The following SYT1 variants were observed in gnomAD, a reference collection of about 807,000 sequenced individuals.
SYT1 encodes the protein synaptotagmin-1.
Under a neutral mutation model 44.8 loss-of-function variants are expected in SYT1, and 8 were observed. That is an observed-to-expected ratio of 0.18 (90% confidence interval 0.10 to 0.32). The LOEUF is 0.32. Ranked by LOEUF, SYT1 falls within the 10% of genes least tolerant of loss-of-function variation. SYT1 has a pLI of 1.00. For missense variants in SYT1, 286 were observed against 509.3 expected (o/e 0.56, Z 4.22); for synonymous variants, 154 against 188.8 (o/e 0.82, Z 1.51).
At chr12:79,060,485 C>G (rs1210434321) in intron 3 of SYT1, among the ~76,000 whole-genome samples, 2 of 152,038 alleles carry the variant, frequency 1.3e-5, no homozygotes, top group Admixed American at 6.6e-5. Context: ...CCCATTCCCC[C>G]TCCCTGCAGC....
intron 3 of SYT1, among the ~76,000 whole-genome samples, chr12:79,093,628 A>G (rs1268428007): frequency 2.6e-5 from 4 of 151,618 alleles, no homozygotes; most frequent in Admixed American, 2.0e-4. Flanking sequence ...CACTCTCTTT[A>G]CCCAACTCTC....
chr12:79,446,758 AC>A (rs980633997), intron 10 of SYT1, among the ~76,000 whole-genome samples: 20 of 152,286 alleles, frequency 1.3e-4, no homozygotes, highest in African/African-American at 4.3e-4. Flanking sequence ...ACTAGCCTGA[AC>A]CAGCGGGCCC....
At chr12:79,122,513 C>CAAAAAAAAAAAAAAAAAAAAAAA (rs58384133) in intron 3 of SYT1, among the ~76,000 whole-genome samples, 1 of 65,016 alleles carries the variant, frequency 1.5e-5, no homozygotes, top group Non-Finnish European at 2.5e-5. Flanking sequence ...GACTCCGTCT[C>CAAAAAAAAAAAAAAAAAAAAAAA]AAAAAAAAAA....
intron 9 of SYT1, among the ~76,000 whole-genome samples, chr12:79,408,470 T>A (rs1868313955): frequency 6.6e-6 from 1 of 152,158 alleles, no homozygotes; most frequent in South Asian, 2.1e-4. Flanking sequence ...ACAGTGCACA[T>A]TCTTACTGAG....
chr12:79,298,793 A>C (rs749189742), intron 7 of SYT1, among the ~76,000 whole-genome samples: 2 of 152,196 alleles, frequency 1.3e-5, no homozygotes, highest in Non-Finnish European at 1.5e-5. Flanking sequence ...TCTTATATTC[A>C]AAACATCAAT....
At chr12:79,327,290 A>G (rs1358688772) in intron 8 of SYT1, among the ~76,000 whole-genome samples, 1 of 152,186 alleles carries the variant, frequency 6.6e-6, no homozygotes, top group Non-Finnish European at 1.5e-5. Flanking sequence ...AGAGCTCTGC[A>G]TATTGTTTAG....
chr12:79,019,602 G>A (rs1374307011), intron 2 of SYT1, among the ~76,000 whole-genome samples: 2 of 151,960 alleles, frequency 1.3e-5, no homozygotes, highest in Admixed American at 1.3e-4. Context: ...TCATCTGCCT[G>A]GTTGGTACTA....
chr12:78,868,574 G>A (rs984405770), intron 1 of SYT1: 2 of 151,802 alleles, frequency 1.3e-5, no homozygotes, highest in Admixed American at 6.6e-5. Flanking sequence ...AAGGATATGT[G>A]TGTGTATATA....
chr12:79,145,535 C>A (rs1296520823), intron 3 of SYT1, among the ~76,000 whole-genome samples: 4 of 152,050 alleles, frequency 2.6e-5, no homozygotes, highest in Non-Finnish European at 4.4e-5. Flanking sequence ...TCCAAAACAC[C>A]ATGACCATTT....
At chr12:78,944,743 A>G (rs2137266783) in intron 1 of SYT1, among the ~76,000 whole-genome samples, 1 of 152,280 alleles carries the variant, frequency 6.6e-6, no homozygotes, top group Non-Finnish European at 1.5e-5. Flanking sequence ...GACAGCATTT[A>G]ATTATTCCTT....
intron 3 of SYT1, among the ~76,000 whole-genome samples, chr12:79,216,854 AAAT>A (rs1294238183): frequency 6.6e-6 from 1 of 152,182 alleles, no homozygotes; most frequent in Non-Finnish European, 1.5e-5. Context: ...ATAGTGACTT[AAAT>A]AATTACCCAG....
chr12:79,362,305 C>T (rs1278370360), intron 9 of SYT1, among the ~76,000 whole-genome samples: 1 of 152,084 alleles, frequency 6.6e-6, no homozygotes, highest in African/African-American at 2.4e-5. Context: ...AAAAATAATA[C>T]ACTAAAAGGA....
intron 2 of SYT1, among the ~76,000 whole-genome samples, chr12:78,987,364 G>A (rs1869712884): frequency 1.3e-5 from 2 of 152,012 alleles, no homozygotes; most frequent in South Asian, 4.1e-4. Flanking sequence ...GAGGCTGATG[G>A]GCTCATGAGG....
intron 3 of SYT1, among the ~76,000 whole-genome samples, chr12:79,104,199 C>T (rs1878590211): frequency 6.6e-6 from 1 of 151,186 alleles, no homozygotes; most frequent in South Asian, 2.1e-4. Context: ...AGACAACACT[C>T]ATCTCAATGT....
intron 2 of SYT1, among the ~76,000 whole-genome samples, chr12:79,019,910 T>C (rs1305593823): frequency 6.6e-6 from 1 of 151,966 alleles, no homozygotes; most frequent in African/African-American, 2.4e-5. Flanking sequence ...CCTCTACAAA[T>C]TGCTTTTGTG....
At chr12:78,875,764 T>C (rs974920844) in intron 1 of SYT1, among the ~76,000 whole-genome samples, 1 of 151,710 alleles carries the variant, frequency 6.6e-6, no homozygotes, top group Non-Finnish European at 1.5e-5. Context: ...GCGACAATCA[T>C]AGAATATACA....
chr12:78,985,607 A>G (rs1592634079), intron 2 of SYT1, among the ~76,000 whole-genome samples: 1 of 151,656 alleles, frequency 6.6e-6, no homozygotes, highest in East Asian at 2.0e-4. Flanking sequence ...TTCCAAGTAG[A>G]AGACGTGATA....
chr12:79,165,979 TG>T (rs550621487), intron 3 of SYT1, among the ~76,000 whole-genome samples: 22 of 152,150 alleles, frequency 1.4e-4, no homozygotes, highest in Admixed American at 3.9e-4. Context: ...AACATATTAC[TG>T]TTTACAAGAA....
intron 1 of SYT1, among the ~76,000 whole-genome samples, chr12:78,921,555 A>G (rs980094889): frequency 1.3e-5 from 2 of 151,946 alleles, no homozygotes; most frequent in African/African-American, 4.8e-5. Context: ...GAACATTTCA[A>G]TAATGTTATT....
Sources: gnomAD v4.1 joint callset for allele counts (sites outside exome capture counted in the v4.1 genomes callset) on GRCh38, gnomAD v4.1.1 for gene constraint, MANE v1.5 for transcripts, NCBI Gene and HGNC (gene_info 2026-07-23, HGNC 2026-07-21) for gene names.